The following ADAM12 variants were observed in gnomAD, a reference collection of about 807,000 sequenced individuals.
The protein encoded by ADAM12 is disintegrin and metalloproteinase domain-containing protein 12.
Under a neutral mutation model 106.4 loss-of-function variants are expected in ADAM12, and 70 were observed. That is an observed-to-expected ratio of 0.66 (90% CI 0.54 to 0.80). The LOEUF (loss-of-function observed/expected upper bound fraction) is 0.80. Among genes scored for constraint, ADAM12 ranks in the 30% least tolerant of loss-of-function variants. The pLI is 0.00. For synonymous variants in ADAM12, 420 were observed against 433.5 expected, an observed-to-expected ratio of 0.97 and a Z score of 0.39; for missense variants, 1,010 against 1,171.9, an observed-to-expected ratio of 0.86 and a Z score of 2.02.
chr10:126,086,692 T>TATATATATATATATATAC (rs1484769998), intron 11 of ADAM12, among the ~76,000 whole-genome samples: 7 of 69,068 alleles, frequency 1.0e-4, no homozygotes, highest in African/African-American at 5.1e-4. Flanking sequence ...TATATATATA[T>TATATATATATATATATAC]ATATATATAT....
chr10:126,124,883 G>A (rs1485732320), intron 5 of ADAM12, among the ~76,000 whole-genome samples: 7 of 113,312 alleles, frequency 6.2e-5, no homozygotes, highest in African/African-American at 2.6e-4. Context: ...CACAGTGAGT[G>A]AGACACCGTC....
At chr10:126,236,985 T>C (rs1958430396) in intron 3 of ADAM12, among the ~76,000 whole-genome samples, 1 of 152,174 alleles carries the variant, frequency 6.6e-6, no homozygotes, top group Non-Finnish European at 1.5e-5. Flanking sequence ...TGCTTTTTAT[T>C]ATCACCATGC....
chr10:126,170,827 C>T lies in ADAM12; in HGVS notation c.261-15522G>A, dbSNP rs533511771. On this transcript the variant is annotated intron_variant, in intron 3 of 22. Coordinates refer to ENST00000448723, the MANE Select transcript of ADAM12 (RefSeq NM_001288973.2). ...ATTTCTGTTTCCCAGTAACGATTCTCCAAGTGCTTAGTTGATTTACTATCT... is the reference window on the plus strand; with the variant it reads ...ATTTCTGTTTCCCAGTAACGATTCTTCAAGTGCTTAGTTGATTTACTATCT... 1.3e-4 allele frequency among the ~76,000 whole-genome samples: 20 copies of T among 152,240 alleles called. No individual in the cohort carries two copies. In the South Asian group the frequency reaches 3.3e-3, roughly 25 times the overall value.
intron 14 of ADAM12, among the ~76,000 whole-genome samples, chr10:126,054,507 T>C (rs1198828183): frequency 6.6e-6 from 1 of 152,226 alleles, no homozygotes; most frequent in African/African-American, 2.4e-5. Context: ...CCTTGTTTTA[T>C]AGCTGGGCAT....
At chr10:126,183,502 C>T (rs1047316085) in intron 3 of ADAM12, among the ~76,000 whole-genome samples, 3 of 152,244 alleles carry the variant, frequency 2.0e-5, no homozygotes, top group African/African-American at 7.2e-5. Context: ...GCCATTTACA[C>T]ACCTTCCTGG....
At chr10:126,036,786 G>C (rs1954067975) in intron 20 of ADAM12, among the ~76,000 whole-genome samples, 2 of 152,190 alleles carry the variant, frequency 1.3e-5, no homozygotes, top group African/African-American at 4.8e-5. Flanking sequence ...CTTGGAGTTG[G>C]AGACGTTCTC....
At chr10:126,320,249 T>A (rs1210121428) in intron 2 of ADAM12, among the ~76,000 whole-genome samples, 1 of 152,210 alleles carries the variant, frequency 6.6e-6, no homozygotes, top group African/African-American at 2.4e-5. Flanking sequence ...CATGTCTTCC[T>A]CACATTCTCA....
intron 3 of ADAM12, among the ~76,000 whole-genome samples, chr10:126,180,782 C>T (rs1166289058): frequency 6.6e-6 from 1 of 152,168 alleles, no homozygotes; most frequent in African/African-American, 2.4e-5. Flanking sequence ...TTAATGAACA[C>T]CAAATTTGTT....
chr10:126,231,602 T>C (rs540359664), intron 3 of ADAM12, among the ~76,000 whole-genome samples: 1 of 152,300 alleles, frequency 6.6e-6, no homozygotes, highest in African/African-American at 2.4e-5. Context: ...AATAGGGATG[T>C]CACCAAGGTC....
chr10:126,262,127 T>C (rs1959013653), intron 3 of ADAM12, among the ~76,000 whole-genome samples: 1 of 152,132 alleles, frequency 6.6e-6, no homozygotes, highest in Non-Finnish European at 1.5e-5. Context: ...ATAAAATGAG[T>C]CATTGCATTC....
At chr10:126,323,904 G>C (rs1044310010) in intron 2 of ADAM12, among the ~76,000 whole-genome samples, 1 of 152,174 alleles carries the variant, frequency 6.6e-6, no homozygotes, top group East Asian at 1.9e-4. Flanking sequence ...GAGCATAGTC[G>C]AGTTGGCTTA....
chr10:126,375,824 C>A (rs1347908498), intron 1 of ADAM12, among the ~76,000 whole-genome samples: 3 of 151,316 alleles, frequency 2.0e-5, no homozygotes, highest in Non-Finnish European at 4.4e-5. Flanking sequence ...AAGATCACAG[C>A]AGCCTCGACC....
chr10:126,199,598 A>C (rs889800979), intron 3 of ADAM12, among the ~76,000 whole-genome samples: 7 of 152,178 alleles, frequency 4.6e-5, no homozygotes, highest in African/African-American at 1.7e-4. Context: ...TGCTTCCCAG[A>C]GTGTGTCTCG....
At chr10:126,159,751 A>C (rs1956899977) in intron 3 of ADAM12, among the ~76,000 whole-genome samples, 1 of 152,236 alleles carries the variant, frequency 6.6e-6, no homozygotes, top group East Asian at 1.9e-4. Flanking sequence ...TTTTAGGGTT[A>C]AACAGCAGTA....
chr10:126,101,429 G>C (rs1334204506), intron 8 of ADAM12, among the ~76,000 whole-genome samples, 188 bp from the exon 9 acceptor site: 2 of 152,210 alleles, frequency 1.3e-5, no homozygotes, highest in African/African-American at 4.8e-5. Flanking sequence ...AAAGTGATGT[G>C]TTAACTAGGT....
intron 3 of ADAM12, among the ~76,000 whole-genome samples, chr10:126,165,280 G>A (rs1957004498): frequency 6.6e-6 from 1 of 152,084 alleles, no homozygotes; most frequent in African/African-American, 2.4e-5. Context: ...CAATTCTCCT[G>A]CCTCAGCCTC....
intron 21 of ADAM12, among the ~76,000 whole-genome samples, chr10:126,030,219 G>A (rs1953949712): frequency 6.6e-6 from 1 of 152,232 alleles, no homozygotes; most frequent in South Asian, 2.1e-4. Context: ...AAGGATGTAA[G>A]ATGAGTGACA....
chr10:126,047,237 G>C (rs990686373), intron 16 of ADAM12, among the ~76,000 whole-genome samples: 2 of 152,134 alleles, frequency 1.3e-5, no homozygotes, highest in Admixed American at 6.5e-5. Context: ...TAATCAAGTA[G>C]AACCTTCCTA....
In ADAM12 at chr10:126,036,166, G is replaced by T. The variant is rs772285735; in HGVS notation, c.2509C>A (p.Pro837Thr). 2 of 1,494,862 alleles carry T rather than the reference G, an allele frequency of 1.3e-6. No individual in the cohort carries two copies. The highest frequency in any genetic ancestry group is 2.6e-5 in the Admixed American group (1 of 39,096). The allele number at this position is 1,494,862 out of a possible 1,614,324, so 92.6% of individuals were successfully genotyped here. A position where few individuals can be genotyped will look rare whatever the true frequency, so the allele number is the denominator to read the frequency against. Reference sequence around the variant, plus strand: ...CATACCTGGGCCTGCCTAAGTGCAGGCTTGGCTGGCAGGGGTCTGGCAGGG... The same window carrying T: ...CATACCTGGGCCTGCCTAAGTGCAGTCTTGGCTGGCAGGGGTCTGGCAGGG... The part of the protein sequence containing the change: ...SVPARPLPAK[P>T]ALRQAQGTCK... Residue 837 changes from proline to threonine, a missense_variant, in exon 21 of 23, where the codon CCT becomes ACT. By Grantham distance (38) the Pro-to-Thr change is conservative. Coordinates refer to ENST00000448723, the MANE Select transcript of ADAM12 (RefSeq NM_001288973.2).
Sources: gnomAD v4.1 joint callset for allele counts (sites outside exome capture counted in the v4.1 genomes callset) on GRCh38, gnomAD v4.1.1 for gene constraint, MANE v1.5 for transcripts, NCBI Gene and HGNC (gene_info 2026-07-23, HGNC 2026-07-21) for gene names.